The following FBXO28 variants were observed in gnomAD, a reference collection of about 807,000 sequenced individuals.
FBXO28 encodes F-box protein 28.
FBXO28 carries 8 observed loss-of-function variants against 38.1 expected under a neutral mutation model. The observed-to-expected ratio is 0.21, with a 90% CI of 0.12 to 0.38. The LOEUF is 0.38. Among genes scored for constraint, FBXO28 ranks in the 10% least tolerant of loss-of-function variants. The pLI, the probability that FBXO28 is intolerant of heterozygous loss-of-function variation, is 1.00. For missense variants in FBXO28, 345 were observed against 460.6 expected (o/e 0.75, Z 2.30); for synonymous variants, 168 against 173.8 (o/e 0.97, Z 0.26).
chr1:224,135,150 A>G (rs1474488839), intron 3 of FBXO28, among the ~76,000 whole-genome samples: 3 of 152,158 alleles, frequency 2.0e-5, no homozygotes, highest in Non-Finnish European at 2.9e-5. Context: ...CCAACACATT[A>G]CCTGCTAATG....
rs532053740 is a variant in FBXO28, at chr1:224,130,549, A to G, written c.345A>G (p.Leu115=). The change falls in exon 2 of 5, where the codon CTA becomes CTG. Residue 115 remains leucine (L), a synonymous_variant. Coordinates refer to ENST00000366862, the MANE Select transcript of FBXO28 (RefSeq NM_015176.4). ...TGAAAGTGGAGAGGTACCATAATCT[A>G]TGTCAGAAACAAGTTAAAGCACAAC... ...GFLKVERYHN[L]CQKQVKAQLP... 27 of 1,613,692 alleles carry G rather than the reference A, an allele frequency of 1.7e-5. No individual in the cohort carries two copies. The Middle Eastern group carries it at 5.0e-4, about 30-fold the overall frequency.
chr1:224,124,604 A>G (rs1328941336), intron 1 of FBXO28, among the ~76,000 whole-genome samples: 1 of 152,228 alleles, frequency 6.6e-6, no homozygotes, highest in African/African-American at 2.4e-5. Flanking sequence ...TTGAGTTACA[A>G]GTTAGCATAC....
chr1:224,157,360 C>A lies in FBXO28; in HGVS notation c.721C>A (p.Pro241Thr), dbSNP rs1657796718. ...RLMGSPPVPG[P>T]SAALTTMQLF... ...GAATTATTCCTCCACAGTTCCAGGA[C>A]CGTCTGCAGCCCTAACAACAATGCA... Residue 241 changes from proline to threonine, a missense_variant, in exon 5 of 5, where the codon CCG (proline) becomes ACG (threonine). Pro to Thr is a conservative substitution (Grantham distance 38). Transcript: ENST00000366862. The A allele has an allele frequency of 6.2e-7, 1 of 1,604,740 alleles. No homozygotes were observed. The highest frequency in any genetic ancestry group is 8.5e-7 in the Non-Finnish European group (1 of 1,175,016).
At chr1:224,149,778 G>C (rs901737764) in intron 3 of FBXO28, among the ~76,000 whole-genome samples, 1 of 152,210 alleles carries the variant, frequency 6.6e-6, no homozygotes, top group Non-Finnish European at 1.5e-5. Flanking sequence ...AGGGTTGGAT[G>C]AAGATGTTAA....
chr1:224,141,239 G>A (rs557657648), intron 3 of FBXO28, among the ~76,000 whole-genome samples: 7 of 152,084 alleles, frequency 4.6e-5, no homozygotes, highest in South Asian at 2.1e-4. Flanking sequence ...TTGGGAGGCC[G>A]AGGTGGGCGG....
chr1:224,156,697 G>A (rs1361592317), intron 4 of FBXO28, among the ~76,000 whole-genome samples: 3 of 152,134 alleles, frequency 2.0e-5, no homozygotes, highest in African/African-American at 7.2e-5. Context: ...ATGTGAATTA[G>A]ATAGAAAATA....
chr1:224,136,641 T>C (rs1657194608), intron 3 of FBXO28, among the ~76,000 whole-genome samples: 1 of 150,102 alleles, frequency 6.7e-6, no homozygotes, highest in East Asian at 2.0e-4. Flanking sequence ...GGCAGGAGAA[T>C]GGCATGAACC....
chr1:224,153,330 T>C lies in FBXO28; in HGVS notation c.705T>C (p.Ser235=), dbSNP rs780356647. ...GSDVSGRLMG[S]PPVPGPSAAL... is the part of the protein sequence containing the mutation. ...ATGTTTCTGGAAGACTCATGGGCTC[T>C]CCTCCAGGTATCTCTACTTTATAAT... The change falls in exon 4 of 5, where the codon TCT becomes TCC. Residue 235 remains serine, a synonymous_variant. Transcript: ENST00000366862. 4.4e-6 allele frequency: 7 copies of C among 1,576,806 alleles called. No homozygotes were observed. The South Asian group carries it at 7.3e-5, about 16-fold the overall frequency.
chr1:224,129,655 C>T (rs1339632245), intron 1 of FBXO28, among the ~76,000 whole-genome samples: 1 of 151,980 alleles, frequency 6.6e-6, no homozygotes, highest in African/African-American at 2.4e-5. Context: ...ACTTTTTTGC[C>T]TGCACATAGT....
chr1:224,141,609 A>G (rs1053051889), intron 3 of FBXO28, among the ~76,000 whole-genome samples: 1 of 152,214 alleles, frequency 6.6e-6, no homozygotes. Context: ...TCTTACACAC[A>G]TAGGCTATAT....
intron 3 of FBXO28, among the ~76,000 whole-genome samples, chr1:224,152,372 A>G (rs1657667886): frequency 6.6e-6 from 1 of 152,180 alleles, no homozygotes; most frequent in Admixed American, 6.5e-5. Context: ...AGCTTAGGGG[A>G]ACAGATTCAG....
chr1:224,132,528 G>A (rs1050174071), intron 2 of FBXO28, among the ~76,000 whole-genome samples: 5 of 152,260 alleles, frequency 3.3e-5, no homozygotes, highest in South Asian at 4.1e-4. Context: ...TTCTCAGGCC[G>A]GATGTGATGG....
chr1:224,116,102 T>A lies in FBXO28; in HGVS notation c.267+1706T>A, dbSNP rs114293417. 7.4e-3 allele frequency among the ~76,000 whole-genome samples: 1,124 copies of A among 152,310 alleles called. 13 individuals are homozygous for A. Among genetic ancestry groups the A allele is most frequent in the African/African-American group, 0.026 (1,074 of 41,560 alleles). On this transcript the variant is annotated intron_variant, in intron 1 of 4. Transcript: ENST00000366862. Reference sequence around the variant, plus strand: ...ACTCAGATTTTTCATAAGGAGTCCCTTCAGTACAACTGCCCACCCCCAGGA... The same window carrying A: ...ACTCAGATTTTTCATAAGGAGTCCCATCAGTACAACTGCCCACCCCCAGGA...
At position 224,157,956 on chromosome 1, in the gene FBXO28, G is replaced by GT. The variant is rs1192757218; in HGVS notation, c.*211dup. 7.2e-7 allele frequency: 1 copy of GT among 1,383,348 alleles called. No homozygotes were observed. The highest frequency in any genetic ancestry group is 9.3e-7 in the Non-Finnish European group (1 of 1,074,154). The allele number at this position is 1,383,348 out of a possible 1,614,324, so 85.7% of individuals were successfully genotyped here. On this transcript the variant is annotated 3_prime_UTR_variant, in exon 5 of 5. Coordinates refer to ENST00000366862, the MANE Select transcript of FBXO28 (RefSeq NM_015176.4). ...AATCTTTTTACTTTGCAATAGATTTGTACTAACCAGACCTGTTCTATCATG... is the reference window on the plus strand; with the variant it reads ...AATCTTTTTACTTTGCAATAGATTTGTTACTAACCAGACCTGTTCTATCATG...
chr1:224,129,376 T>TAA (rs1027524722), intron 1 of FBXO28, among the ~76,000 whole-genome samples: 1 of 152,172 alleles, frequency 6.6e-6, no homozygotes, highest in Admixed American at 6.5e-5. Flanking sequence ...GTGTCTAATA[T>TAA]AAAGGCCTTG....
At chr1:224,147,434 AG>A (rs1218641102) in intron 3 of FBXO28, among the ~76,000 whole-genome samples, 3 of 149,192 alleles carry the variant, frequency 2.0e-5, no homozygotes, top group Non-Finnish European at 4.5e-5. Flanking sequence ...AAAAAAAAAA[AG>A]AGAAGAAAAA....
chr1:224,137,457 A>G (rs1032160818), intron 3 of FBXO28, among the ~76,000 whole-genome samples: 8 of 151,700 alleles, frequency 5.3e-5, no homozygotes, highest in African/African-American at 2.0e-4. Context: ...TGGGAGGCAG[A>G]GGTTGCAGTG....
In FBXO28 at chr1:224,114,181, G is replaced by C; in HGVS notation, c.52G>C (p.Gly18Arg). ...RMAEEGGGGQ[G>R]DGGSSLASGS... is the part of the protein sequence containing the mutation. ...GGCAGAGGAAGGAGGCGGCGGCCAA[G>C]GCGACGGCGGTTCCTCTTTGGCCTC... Residue 18 changes from glycine (G) to arginine (R), a missense_variant, in exon 1 of 5, where the codon GGC becomes CGC. Gly to Arg is a moderately radical substitution (Grantham distance 125, BLOSUM62 -2). Coordinates refer to ENST00000366862, the MANE Select transcript of FBXO28 (RefSeq NM_015176.4). 2 of 1,547,506 alleles carry C rather than the reference G, an allele frequency of 1.3e-6. No individual in the cohort carries two copies. The highest frequency in any genetic ancestry group is 1.7e-6 in the Non-Finnish European group (2 of 1,145,966).
At chr1:224,152,956 A>G (rs1274941857) in intron 3 of FBXO28, among the ~76,000 whole-genome samples, 186 bp from the exon 4 acceptor site, 2 of 143,470 alleles carry the variant, frequency 1.4e-5, no homozygotes. Context: ...AAAAAAAAGT[A>G]CTGTAACAAG....
Sources: gnomAD v4.1 joint callset for allele counts (sites outside exome capture counted in the v4.1 genomes callset) on GRCh38, gnomAD v4.1.1 for gene constraint, MANE v1.5 for transcripts, NCBI Gene and HGNC (gene_info 2026-07-23, HGNC 2026-07-21) for gene names.